Variants in ABAT observed in about 807,000 individuals in gnomAD.
ABAT encodes the protein 4-aminobutyrate aminotransferase, also known as 4-aminobutyrate aminotransferase, mitochondrial.
Under a neutral mutation model 64.6 loss-of-function variants are expected in ABAT, and 45 were observed. That is an observed-to-expected ratio of 0.70 (90% CI 0.55 to 0.89). The LOEUF is 0.89. Among genes scored for constraint, ABAT ranks in the 40% least tolerant of loss-of-function variants. The probability of loss-of-function intolerance (pLI) is 0.00; values close to 1 mark genes in which losing one functional copy is unlikely to be tolerated. For synonymous variants in ABAT, 297 were observed against 250.5 expected (o/e 1.19, Z -1.75); for missense variants, 633 against 658.4 (o/e 0.96, Z 0.42).
In ABAT at chr16:8,781,711, G is replaced by GC. The variant is rs2060443881; in HGVS notation, c.*282dup. The GC allele has an allele frequency of 1.9e-6, 1 of 516,126 alleles. No homozygotes were observed. Among genetic ancestry groups the GC allele is most frequent in the Admixed American group, 3.2e-5 (1 of 31,696 alleles). 32.0% of individuals were successfully genotyped at this position (516,126 alleles called of 1,614,324 possible). ...TTGGGAAGGGCCATGGGAGGTCCTG[G>GC]CTAGAGTTCTGCCCAACCTTGACCA... On this transcript the variant is annotated 3_prime_UTR_variant, in exon 16 of 16. Transcript: ENST00000268251. The surrounding 1 kb of genome is among the most constrained non-coding windows in gnomAD (Gnocchi z 4.5).
intron 4 of ABAT, among the ~76,000 whole-genome samples, chr16:8,748,618 A>G (rs2059396269): frequency 6.6e-6 from 1 of 152,162 alleles, no homozygotes; most frequent in South Asian, 2.1e-4. Flanking sequence ...CCTATCCATT[A>G]TGGAGTGCCA....
At chr16:8,688,835 T>C (rs113830358) in intron 1 of ABAT, among the ~76,000 whole-genome samples, 2,229 of 152,318 alleles carry the variant, frequency 0.015, 50 homozygotes, top group African/African-American at 0.051. Flanking sequence ...CCCAACACTT[T>C]GGGAGGCCAA....
rs1567295685 is a variant in ABAT at position 8,737,991 on chromosome 16, G to GGAAGGAAGGAAGAAAGAAAGAAA, written c.70+2185_70+2186insGGAAGGAAGAAAGAAAGAAAGAA. Among the ~76,000 whole-genome samples, 41 of 14,960 alleles carry GGAAGGAAGGAAGAAAGAAAGAAA rather than the reference G, an allele frequency of 2.7e-3. 6 individuals carry two copies. Among genetic ancestry groups the GGAAGGAAGGAAGAAAGAAAGAAA allele is most frequent in the African/African-American group, 3.1e-3 (11 of 3,540 alleles). The allele number at this position is 14,960 out of a possible 152,430, so 9.8% of individuals were successfully genotyped here. A position where few individuals can be genotyped will look rare whatever the true frequency, so the allele number is the denominator to read the frequency against. On this transcript the variant is annotated intron_variant, in intron 2 of 15. Transcript: ENST00000268251. ...AAGGAAGGAAGGAAGGAAGGAAGGA[G>GGAAGGAAGGAAGAAAGAAAGAAA]GAAAGAAAGAAAGAAAGAAAGAAAG...
At chr16:8,778,468 C>A (rs1419946983) in intron 14 of ABAT, among the ~76,000 whole-genome samples, 4 of 152,130 alleles carry the variant, frequency 2.6e-5, no homozygotes, top group Non-Finnish European at 4.4e-5. Flanking sequence ...AGATTGTCTT[C>A]TTCTTATAAA....
chr16:8,763,175 G>A (rs1051797361), intron 6 of ABAT, among the ~76,000 whole-genome samples: 3 of 151,510 alleles, frequency 2.0e-5, no homozygotes, highest in East Asian at 1.9e-4. Flanking sequence ...GAGCATTTTC[G>A]GGCAGAGGCT....
rs554038786 is a variant in ABAT, at chr16:8,752,789, A to T, written c.316+2250A>T. 1.6e-4 allele frequency among the ~76,000 whole-genome samples: 25 copies of T among 152,140 alleles called. No individual in the cohort carries two copies. The South Asian group carries it at 5.2e-3, about 32-fold the overall frequency. On this transcript the variant is annotated intron_variant, in intron 5 of 15. Transcript: ENST00000268251. ...TCTCAGTAAAAAACAAAAACAGAAA[A>T]ATTCTAGAAGTTCTAAAAGTTCTCT...
At chr16:8,685,339 T>A (rs1289357207) in intron 1 of ABAT, among the ~76,000 whole-genome samples, 1 of 151,836 alleles carries the variant, frequency 6.6e-6, no homozygotes, top group Non-Finnish European at 1.5e-5. Flanking sequence ...TCCAAAAATT[T>A]GTGTTGTAAG....
At chr16:8,675,206 C>G (rs1443700702) in intron 1 of ABAT, among the ~76,000 whole-genome samples, 1 of 151,984 alleles carries the variant, frequency 6.6e-6, no homozygotes, top group African/African-American at 2.4e-5. Flanking sequence ...GGAGCAGAGA[C>G]TCTGCAAGTC....
chr16:8,758,341 G>C (rs936378295), intron 6 of ABAT, among the ~76,000 whole-genome samples: 2 of 152,166 alleles, frequency 1.3e-5, no homozygotes, highest in Non-Finnish European at 2.9e-5. Flanking sequence ...GGCTTCCCAG[G>C]GAAATGACTT....
intron 6 of ABAT, among the ~76,000 whole-genome samples, chr16:8,763,578 A>G (rs1294518104): frequency 6.6e-6 from 1 of 152,128 alleles, no homozygotes; most frequent in Non-Finnish European, 1.5e-5. Context: ...CCCTTTTTGT[A>G]TTTTTAGCAG....
In ABAT at chr16:8,755,628, A is replaced by C. The variant is rs1596458403; in HGVS notation, c.317-2129A>C. On this transcript the variant is annotated intron_variant, in intron 5 of 15. Transcript: ENST00000268251. ...AGGAGATAGACAATGGCTTGACTTC[A>C]GGCCGGGTTCGGTGGCTCACACCTG... Among the ~76,000 whole-genome samples the C allele has an allele frequency of 2.0e-5, 3 of 152,272 alleles. No individual in the cohort carries two copies. In the East Asian group the frequency reaches 5.8e-4, roughly 29 times the overall value.
At chr16:8,693,745 G>A (rs1596402092) in intron 1 of ABAT, among the ~76,000 whole-genome samples, 1 of 152,230 alleles carries the variant, frequency 6.6e-6, no homozygotes, top group Non-Finnish European at 1.5e-5. Flanking sequence ...CTGGGATTAC[G>A]AGTATAAGCC....
At chr16:8,743,867 C>T (rs903232321) in intron 2 of ABAT, among the ~76,000 whole-genome samples, 2 of 151,870 alleles carry the variant, frequency 1.3e-5, no homozygotes, top group African/African-American at 4.8e-5. Flanking sequence ...CAAATAGTAC[C>T]AGGAAGGTGA....
At chr16:8,779,182 A>G (rs376122581) in intron 14 of ABAT, among the ~76,000 whole-genome samples, 1 of 152,240 alleles carries the variant, frequency 6.6e-6, no homozygotes, top group East Asian at 1.9e-4. Flanking sequence ...ATAGCAGGGT[A>G]AACAGAGGCA....
Position 8,781,200 on chromosome 16 carries a change from TGG to T in ABAT, c.1382-108_1382-107del. 2 of 1,539,176 alleles carry T rather than the reference TGG, an allele frequency of 1.3e-6. No homozygotes were observed. Among genetic ancestry groups the T allele is most frequent in the Non-Finnish European group, 1.8e-6 (2 of 1,115,982 alleles). On this transcript the variant is annotated intron_variant, in intron 15 of 15. Coordinates refer to ENST00000268251, the MANE Select transcript of ABAT (RefSeq NM_020686.6). This position sits in a 1 kb window ranked among gnomAD's most constrained non-coding sequence, Gnocchi z 4.5. ...TCCATGATGGAGGATGATGGATGGA[TGG>T]ATGGATGGATGGATGAGCGTTGCCA...
chr16:8,724,759 AAAAAAAAAAACAATGGC>A (rs2058490203), intron 1 of ABAT, among the ~76,000 whole-genome samples: 2 of 143,810 alleles, frequency 1.4e-5, no homozygotes, highest in Non-Finnish European at 1.5e-5. Flanking sequence ...AAAAAAAAAA[AAAAAAAAAAACAATGGC>A]AATCTTGGGG....
intron 15 of ABAT, 36 bp downstream of exon 15, chr16:8,779,626 C>A: frequency 6.5e-7 from 1 of 1,548,686 alleles, no homozygotes; most frequent in Non-Finnish European, 8.9e-7. Flanking sequence ...GTTTCATGAG[C>A]ATCCAGTATC....
At position 8,694,154 on chromosome 16, in the gene ABAT, C is replaced by T. The variant is rs1596402236; in HGVS notation, c.-42+19443C>T. Among the ~76,000 whole-genome samples the T allele has an allele frequency of 2.0e-5, 3 of 151,372 alleles. No individual in the cohort carries two copies. In the South Asian group the frequency reaches 6.3e-4, roughly 32 times the overall value. ...ACGCCATTCTCCTGCCTCAGCTTCC[C>T]GAGTAGCTGGGACTACAGGCGCCCG... On this transcript the variant is annotated intron_variant, in intron 1 of 15. Transcript: ENST00000268251.
chr16:8,675,952 G>T (rs978957752), intron 1 of ABAT, among the ~76,000 whole-genome samples: 1 of 152,122 alleles, frequency 6.6e-6, no homozygotes, highest in Non-Finnish European at 1.5e-5. Context: ...AATGGGTGCT[G>T]CTGGGCCCAT....
Sources: gnomAD v4.1 joint callset for allele counts (sites outside exome capture counted in the v4.1 genomes callset) on GRCh38, gnomAD v4.1.1 for gene constraint, Gnocchi (gnomAD v3.1) non-coding constraint, MANE v1.5 for transcripts, NCBI Gene and HGNC (gene_info 2026-07-23, HGNC 2026-07-21) for gene names.